ST6GALNAC2: variants seen among roughly 807,000 people sequenced by gnomAD.
The protein encoded by ST6GALNAC2 is alpha-N-acetylgalactosaminide alpha-2,6-sialyltransferase 2.
A neutral mutation model predicts 38.7 loss-of-function variants in ST6GALNAC2; 42 were observed. The ratio of observed to expected loss-of-function variants is 1.09; its 90% CI spans 0.85 to 1.40. ST6GALNAC2 has a LOEUF of 1.40. Among genes scored for constraint, ST6GALNAC2 ranks in the 40% most tolerant of loss-of-function variants. ST6GALNAC2 has a pLI of 0.00. For missense variants in ST6GALNAC2, 506 were observed against 481.7 expected, an observed-to-expected ratio of 1.05 and a Z score of -0.47; for synonymous variants, 233 against 209.0, an observed-to-expected ratio of 1.11 and a Z score of -0.99.
At chr17:76,569,325 C>T in intron 6 of ST6GALNAC2, 1 of 332,762 alleles carries the variant, frequency 3.0e-6, no homozygotes, top group Non-Finnish European at 4.9e-6. Flanking sequence ...ACTTGGGGGG[C>T]ACAGCGGGGG....
At chr17:76,584,108 G>A (rs1424099252) in intron 1 of ST6GALNAC2, among the ~76,000 whole-genome samples, 1 of 151,640 alleles carries the variant, frequency 6.6e-6, no homozygotes, top group Non-Finnish European at 1.5e-5. Flanking sequence ...GTGAGCCACC[G>A]CGCCCGGCCA....
intron 2 of ST6GALNAC2, among the ~76,000 whole-genome samples, chr17:76,577,192 A>G (rs2075427673): frequency 6.7e-6 from 1 of 149,548 alleles, no homozygotes; most frequent in Non-Finnish European, 1.5e-5. Context: ...TTAGCCTCCC[A>G]AGTAGCTGGG....
rs768176332 is a variant in ST6GALNAC2, at chr17:76,573,325, T to A, written c.400A>T (p.Ser134Cys). ...STLSLLNGSE[S>C]AKLFAPPRDT... Reference sequence around the variant, plus strand: ...CTGGGCGGGGCAAACAGCTTGGCACTCTCTGAGCCGTTCAGAAGGCTCAGG... The same window carrying A: ...CTGGGCGGGGCAAACAGCTTGGCACACTCTGAGCCGTTCAGAAGGCTCAGG... The change falls in exon 4 of 9, where the codon AGT becomes TGT. Residue 134 changes from serine (S) to cysteine (C), a missense_variant. Coordinates refer to ENST00000225276, the MANE Select transcript of ST6GALNAC2 (RefSeq NM_006456.3). The surrounding 1 kb of genome is among the most constrained non-coding windows in gnomAD (Gnocchi z 5.1). 5.7e-6 allele frequency: 9 copies of A among 1,579,758 alleles called. No homozygotes were observed. The Middle Eastern group carries it at 5.5e-4, about 96-fold the overall frequency.
intron 7 of ST6GALNAC2, chr17:76,568,358 C>A: frequency 3.4e-6 from 1 of 290,184 alleles, no homozygotes; most frequent in South Asian, 5.2e-5. Context: ...CTTCCGGCAC[C>A]TTGTGTTGGC....
rs143680738 is a variant in ST6GALNAC2 at position 76,580,037 on chromosome 17, C to T, written c.126-1221G>A. Among the ~76,000 whole-genome samples the T allele has an allele frequency of 1.4e-4, 21 of 152,322 alleles. No individual in the cohort carries two copies. In the East Asian group the frequency reaches 4.0e-3, roughly 29 times the overall value. ...GCTGAACTTCTCAGAACCTCAGTCT[C>T]TGCATTTATACAATAGGGATAATCA... On this transcript the variant is annotated intron_variant, in intron 1 of 8. Coordinates refer to ENST00000225276, the MANE Select transcript of ST6GALNAC2 (RefSeq NM_006456.3).
Position 76,581,902 on chromosome 17 carries a change from T to G in ST6GALNAC2, c.126-3086A>C, listed in dbSNP as rs140331876. ...TTTTTTTTAAGATGGAGTCTCGCTC[T>G]GTCACCAGGCTGGAGTAGTACAGTG... is the stretch of plus-strand genomic sequence containing the variant. On this transcript the variant is annotated intron_variant, in intron 1 of 8. Coordinates refer to ENST00000225276, the MANE Select transcript of ST6GALNAC2 (RefSeq NM_006456.3). 1.2e-3 allele frequency among the ~76,000 whole-genome samples: 184 copies of G among 152,302 alleles called. 1 individual carries two copies. Among genetic ancestry groups the G allele is most frequent in the African/African-American group, 4.0e-3 (167 of 41,568 alleles).
chr17:76,570,795 C>T (rs2075344964), intron 5 of ST6GALNAC2, 127 bp from the exon 6 acceptor site: 1 of 702,378 alleles, frequency 1.4e-6, no homozygotes, highest in Admixed American at 2.1e-5. Context: ...ACCTTTCATT[C>T]CCACCCAGAG....
intron 1 of ST6GALNAC2, among the ~76,000 whole-genome samples, chr17:76,583,556 T>C (rs2075505035): frequency 6.6e-6 from 1 of 151,040 alleles, no homozygotes; most frequent in Non-Finnish European, 1.5e-5. Flanking sequence ...CTTACAGTTA[T>C]GGAGGCTGGG....
At position 76,567,906 on chromosome 17, in the gene ST6GALNAC2, C is replaced by A; in HGVS notation, c.858-354G>T. 3 of 280,778 alleles carry A rather than the reference C, an allele frequency of 1.1e-5. 1 individual carries two copies. The highest frequency in any genetic ancestry group is 1.1e-4 in the South Asian group (3 of 28,114). 17.4% of individuals were successfully genotyped at this position (280,778 alleles called of 1,614,324 possible). Reference sequence around the variant, plus strand: ...TTAAGTAGGAATCACGTGTGAGGGACAGGGAGCTCAGACCCTGTGACCGGA... The same window carrying A: ...TTAAGTAGGAATCACGTGTGAGGGAAAGGGAGCTCAGACCCTGTGACCGGA... On this transcript the variant is annotated intron_variant, in intron 7 of 8. Transcript: ENST00000225276.
At chr17:76,579,162 G>A (rs938479470) in intron 1 of ST6GALNAC2, among the ~76,000 whole-genome samples, 1 of 152,186 alleles carries the variant, frequency 6.6e-6, no homozygotes, top group Non-Finnish European at 1.5e-5. Flanking sequence ...CAGGTGATCT[G>A]CCCACCTTGG....
intron 6 of ST6GALNAC2, chr17:76,569,783 G>T: frequency 3.4e-6 from 1 of 297,818 alleles, no homozygotes; most frequent in Non-Finnish European, 6.2e-6. Flanking sequence ...GGGGTGGGGT[G>T]GGCCTGGCTT....
intron 6 of ST6GALNAC2, 113 bp downstream of exon 6, chr17:76,570,452 C>CTTA: frequency 1.5e-6 from 1 of 670,902 alleles, no homozygotes; most frequent in African/African-American, 2.0e-5. Context: ...GTTCTTACTG[C>CTTA]CCTTCACCCA....
chr17:76,578,935 G>A lies in ST6GALNAC2; in HGVS notation c.126-119C>T, dbSNP rs368313943. 81 of 774,404 alleles carry A rather than the reference G, an allele frequency of 1.0e-4. No individual in the cohort carries two copies. The East Asian group carries it at 1.6e-3, about 15-fold the overall frequency. 48.0% of individuals were successfully genotyped at this position (774,404 alleles called of 1,614,324 possible). A position where few individuals can be genotyped will look rare whatever the true frequency, so the allele number is the denominator to read the frequency against. On this transcript the variant is annotated intron_variant, in intron 1 of 8. Transcript: ENST00000225276. ...GACAAAGTCTGTCTGTGCCCATCGT[G>A]GTGGCTCACATCTGTAATCCCAGTG...
intron 2 of ST6GALNAC2, among the ~76,000 whole-genome samples, chr17:76,574,825 C>T (rs8064651): frequency 0.045 from 6,913 of 152,098 alleles, 536 homozygotes; most frequent in African/African-American, 0.16. Context: ...TACAGGCGCC[C>T]GCCACCACGC....
At chr17:76,575,840 C>A (rs932342556) in intron 2 of ST6GALNAC2, among the ~76,000 whole-genome samples, 8 of 152,192 alleles carry the variant, frequency 5.3e-5, no homozygotes, top group Non-Finnish European at 1.2e-4. Context: ...CTTTGTTAAG[C>A]CATTCGTTTG....
chr17:76,570,522 G>T, intron 6 of ST6GALNAC2, 43 bp downstream of exon 6: 1 of 1,401,206 alleles, frequency 7.1e-7, no homozygotes, highest in Non-Finnish European at 1.0e-6. Context: ...AGTGTCCCTT[G>T]CCCCTCTGCC....
At chr17:76,583,931 C>T (rs2075510976) in intron 1 of ST6GALNAC2, among the ~76,000 whole-genome samples, 1 of 147,678 alleles carries the variant, frequency 6.8e-6, no homozygotes. Context: ...CCTCAGCCTC[C>T]CGAGTAGCTG....
At chr17:76,579,763 G>A (rs1035462340) in intron 1 of ST6GALNAC2, among the ~76,000 whole-genome samples, 3 of 152,292 alleles carry the variant, frequency 2.0e-5, no homozygotes, top group African/African-American at 2.4e-5. Flanking sequence ...TGGAGCATAC[G>A]TGCTCTCTTG....
chr17:76,584,978 G>A (rs1186306644), intron 1 of ST6GALNAC2, among the ~76,000 whole-genome samples: 1 of 152,244 alleles, frequency 6.6e-6, no homozygotes, highest in African/African-American at 2.4e-5. Context: ...GCTAGAGGCC[G>A]GCTCCCAGGT....
Sources: gnomAD v4.1 joint callset for allele counts (sites outside exome capture counted in the v4.1 genomes callset) on GRCh38, gnomAD v4.1.1 for gene constraint, Gnocchi (gnomAD v3.1) non-coding constraint, MANE v1.5 for transcripts, NCBI Gene and HGNC (gene_info 2026-07-23, HGNC 2026-07-21) for gene names.